Variants in DLG2 observed in about 807,000 individuals in gnomAD.
DLG2 encodes disks large homolog 2.
DLG2 carries 45 observed loss-of-function variants against 132.5 expected under a neutral mutation model. The observed-to-expected ratio is 0.34, with a 90% CI of 0.27 to 0.44. The LOEUF is 0.44. Ranked by LOEUF, DLG2 falls within the 20% of genes least tolerant of loss-of-function variation. The probability of loss-of-function intolerance (pLI) is 1.00; values close to 1 mark genes in which losing one functional copy is unlikely to be tolerated. For synonymous variants in DLG2, 424 were observed against 419.6 expected, an observed-to-expected ratio of 1.01 and a Z score of -0.13; for missense variants, 1,045 against 1,196.9, an observed-to-expected ratio of 0.87 and a Z score of 1.87.
In DLG2 at chr11:84,898,281, C is replaced by T. The variant is rs57319409; in HGVS notation, c.357+213380G>A. Among the ~76,000 whole-genome samples, 228 of 151,950 alleles carry T rather than the reference C, an allele frequency of 1.5e-3. 1 individual carries two copies. The highest frequency in any genetic ancestry group is 5.3e-3 in the African/African-American group (220 of 41,534). On this transcript the variant is annotated intron_variant, in intron 6 of 27. Transcript: ENST00000376104. ...TTATTAAACAAAAATAGTCATTTTG[C>T]TTGAATAGTATCTTCATGTTTTTGC...
chr11:84,824,321 G>C (rs956262112), intron 6 of DLG2, among the ~76,000 whole-genome samples: 1 of 151,890 alleles, frequency 6.6e-6, no homozygotes, highest in Non-Finnish European at 1.5e-5. Flanking sequence ...CACAGCTACT[G>C]ATCTCTAAGA....
rs569259644 is a variant in DLG2 at position 83,587,195 on chromosome 11, T to G, written c.1941-45337A>C. Among the ~76,000 whole-genome samples, 7 of 152,180 alleles carry G rather than the reference T, an allele frequency of 4.6e-5. No individual in the cohort carries two copies. The South Asian group carries it at 6.2e-4, about 14-fold the overall frequency. On this transcript the variant is annotated intron_variant, in intron 19 of 27. Transcript: ENST00000376104. ...CACATCTGCTGCTTATAGTTTTTTT[T>G]AAATTATCTTTTAATGTTTGGCTAT...
chr11:83,504,188 G>A (rs963896735), intron 21 of DLG2, among the ~76,000 whole-genome samples: 12 of 152,158 alleles, frequency 7.9e-5, no homozygotes, highest in South Asian at 2.1e-4. Context: ...CTGGTCATGT[G>A]GTCATAGCTG....
intron 8 of DLG2, among the ~76,000 whole-genome samples, chr11:84,213,304 T>C (rs1271158557): frequency 6.6e-6 from 1 of 152,158 alleles, no homozygotes; most frequent in Non-Finnish European, 1.5e-5. Context: ...AGCCTGACTT[T>C]GCTAGGATGT....
At chr11:84,052,192 C>T (rs1443658884) in intron 11 of DLG2, among the ~76,000 whole-genome samples, 2 of 151,790 alleles carry the variant, frequency 1.3e-5, no homozygotes, top group Non-Finnish European at 2.9e-5. Context: ...CACATCATAA[C>T]TCAAACCTGT....
intron 6 of DLG2, among the ~76,000 whole-genome samples, chr11:85,031,959 T>G (rs1294254440): frequency 7.1e-6 from 1 of 140,464 alleles, no homozygotes; most frequent in African/African-American, 2.8e-5. Context: ...TTTTTTTTTT[T>G]TTTTTTTTTT....
At chr11:85,173,182 A>G (rs1210774131) in intron 4 of DLG2, among the ~76,000 whole-genome samples, 3 of 152,164 alleles carry the variant, frequency 2.0e-5, no homozygotes, top group Non-Finnish European at 4.4e-5. Context: ...AGATTCTCCT[A>G]GGTTGAAATG....
chr11:85,028,824 G>A (rs2060767797), intron 6 of DLG2, among the ~76,000 whole-genome samples: 1 of 152,056 alleles, frequency 6.6e-6, no homozygotes, highest in Non-Finnish European at 1.5e-5. Context: ...ACCCAGGAGG[G>A]GGAGGCCCCC....
At chr11:85,529,854 T>C (rs1418215457) in intron 3 of DLG2, among the ~76,000 whole-genome samples, 2 of 152,216 alleles carry the variant, frequency 1.3e-5, no homozygotes, top group Non-Finnish European at 2.9e-5. Flanking sequence ...AGTTTGTCTT[T>C]ATCTACTAGT....
At chr11:85,026,738 G>A (rs1469218873) in intron 6 of DLG2, among the ~76,000 whole-genome samples, 1 of 152,070 alleles carries the variant, frequency 6.6e-6, no homozygotes, top group Non-Finnish European at 1.5e-5. Flanking sequence ...TCAGGAGGCT[G>A]AGGCAGAAGA....
chr11:84,029,467 G>T (rs1039438517), intron 11 of DLG2, among the ~76,000 whole-genome samples: 1 of 152,156 alleles, frequency 6.6e-6, no homozygotes, highest in South Asian at 2.1e-4. Flanking sequence ...AAGGTCATAT[G>T]CTAAAATGGG....
intron 8 of DLG2, among the ~76,000 whole-genome samples, chr11:84,219,186 T>C (rs1052446622): frequency 3.9e-5 from 6 of 152,220 alleles, no homozygotes; most frequent in Non-Finnish European, 7.3e-5. Flanking sequence ...ATGCATTTCC[T>C]CTTTCCTGAG....
At chr11:84,595,807 T>C (rs2099555404) in intron 6 of DLG2, among the ~76,000 whole-genome samples, 1 of 152,208 alleles carries the variant, frequency 6.6e-6, no homozygotes, top group Non-Finnish European at 1.5e-5. Context: ...TTTCTTGGTT[T>C]TAAAGTCACA....
chr11:85,198,278 T>C (rs2081207134), intron 4 of DLG2, among the ~76,000 whole-genome samples: 1 of 152,158 alleles, frequency 6.6e-6, no homozygotes. Flanking sequence ...TGGCCCTCCA[T>C]TTTTGTGGAG....
chr11:83,576,498 C>T (rs1167203942), intron 19 of DLG2, among the ~76,000 whole-genome samples: 5 of 151,744 alleles, frequency 3.3e-5, no homozygotes, highest in Non-Finnish European at 7.4e-5. Context: ...CTTAGTAGCA[C>T]TAATAAAAAG....
intron 7 of DLG2, among the ~76,000 whole-genome samples, chr11:84,318,252 A>C (rs1008671522): frequency 1.3e-5 from 2 of 152,244 alleles, no homozygotes; most frequent in Non-Finnish European, 2.9e-5. Context: ...CTGAATCCAT[A>C]CATAGTATTT....
intron 3 of DLG2, among the ~76,000 whole-genome samples, chr11:85,290,080 G>A (rs1002339972): frequency 1.3e-5 from 2 of 151,886 alleles, no homozygotes; most frequent in Admixed American, 1.3e-4. Flanking sequence ...ATGAATTCTT[G>A]GTAATTTTCA....
chr11:84,985,759 A>C (rs2056390210), intron 6 of DLG2, among the ~76,000 whole-genome samples: 1 of 152,012 alleles, frequency 6.6e-6, no homozygotes. Context: ...TTGGGAGGCC[A>C]AGTTGGGCGG....
intron 10 of DLG2, among the ~76,000 whole-genome samples, chr11:84,087,302 C>T (rs2097002378): frequency 6.6e-6 from 1 of 152,138 alleles, no homozygotes; most frequent in South Asian, 2.1e-4. Flanking sequence ...TCTCTACATC[C>T]TTGCCAACAC....
Sources: allele counts gnomAD v4.1 joint callset (sites outside exome capture counted in the v4.1 genomes callset), GRCh38; gene constraint gnomAD v4.1.1; transcripts MANE v1.5; gene names NCBI Gene and HGNC (gene_info 2026-07-23, HGNC 2026-07-21).